The following TTC28 variants were observed in gnomAD, a reference collection of about 807,000 sequenced individuals.
TTC28 encodes tetratricopeptide repeat protein 28.
In TTC28, 61 loss-of-function variants were observed where a neutral mutation model predicts 198.0. The observed-to-expected ratio is 0.31, with a 90% confidence interval of 0.25 to 0.38. TTC28 has a LOEUF of 0.38. Ranked by LOEUF, TTC28 falls within the 10% of genes least tolerant of loss-of-function variation. The pLI is 1.00. For synonymous variants in TTC28, 1,171 were observed against 1,297.8 expected (o/e 0.90, Z 2.10); for missense variants, 2,678 against 3,164.0 (o/e 0.85, Z 3.69).
intron 12 of TTC28, among the ~76,000 whole-genome samples, chr22:28,074,794 C>T (rs1272463082): frequency 6.6e-6 from 1 of 152,206 alleles, no homozygotes; most frequent in Non-Finnish European, 1.5e-5. Flanking sequence ...ATTTCAAGAG[C>T]TCTGCTTTTA....
intron 13 of TTC28, among the ~76,000 whole-genome samples, chr22:28,023,209 A>C (rs1016953625): frequency 3.3e-5 from 5 of 152,176 alleles, no homozygotes; most frequent in Admixed American, 2.0e-4. Flanking sequence ...GAGGGTCTGC[A>C]CCTGCCCTCC....
intron 1 of TTC28, among the ~76,000 whole-genome samples, chr22:28,653,806 CT>C (rs530819467): frequency 1.3e-5 from 2 of 152,112 alleles, no homozygotes; most frequent in Non-Finnish European, 2.9e-5. Flanking sequence ...CCCTTTTCTC[CT>C]GTTAATGTTG....
chr22:27,984,147 A>G (rs16985818), intron 22 of TTC28, among the ~76,000 whole-genome samples: 2,606 of 152,108 alleles, frequency 0.017, 54 homozygotes, highest in East Asian at 0.078. Context: ...ATGACCCTGT[A>G]TCCGCCTTCC....
At chr22:28,166,323 C>A (rs143472253) in intron 5 of TTC28, among the ~76,000 whole-genome samples, 57 of 152,292 alleles carry the variant, frequency 3.7e-4, no homozygotes, top group African/African-American at 1.3e-3. Context: ...ACCAAGCGGA[C>A]CTAACAGACA....
chr22:28,061,832 C>G (rs140016921), intron 12 of TTC28, among the ~76,000 whole-genome samples: 1,566 of 152,208 alleles, frequency 0.01, 30 homozygotes, highest in African/African-American at 0.035. Context: ...TCACGATATT[C>G]ATTCTTCCTA....
At chr22:28,177,900 ATTCT>A (rs1231517450) in intron 5 of TTC28, among the ~76,000 whole-genome samples, 2 of 152,192 alleles carry the variant, frequency 1.3e-5, no homozygotes, top group African/African-American at 4.8e-5. Flanking sequence ...CAATGAAACT[ATTCT>A]GCATGATAAT....
chr22:28,134,000 T>C (rs1049658784), intron 6 of TTC28, among the ~76,000 whole-genome samples: 1 of 152,158 alleles, frequency 6.6e-6, no homozygotes, highest in Non-Finnish European at 1.5e-5. Context: ...CAGGTACCCC[T>C]CTGAGACGAA....
At chr22:28,671,366 T>G (rs1490973947) in intron 1 of TTC28, among the ~76,000 whole-genome samples, 1 of 152,090 alleles carries the variant, frequency 6.6e-6, no homozygotes, top group Non-Finnish European at 1.5e-5. Flanking sequence ...CCGGGCGCGG[T>G]GGCTCACGCC....
intron 5 of TTC28, among the ~76,000 whole-genome samples, chr22:28,266,704 A>T (rs912854623): frequency 6.6e-6 from 1 of 152,196 alleles, no homozygotes. Context: ...AGCTGACTAC[A>T]GACAAGTAAG....
chr22:28,166,186 T>C (rs539344686), intron 5 of TTC28, among the ~76,000 whole-genome samples: 1 of 152,268 alleles, frequency 6.6e-6, no homozygotes, highest in South Asian at 2.1e-4. Flanking sequence ...AAGCCCTTAG[T>C]GGCCTACAAA....
At chr22:28,663,553 C>T (rs2051788763) in intron 1 of TTC28, among the ~76,000 whole-genome samples, 2 of 129,038 alleles carry the variant, frequency 1.5e-5, no homozygotes, top group African/African-American at 3.0e-5. Context: ...CCTGGAAAAT[C>T]GGGTCACTCC....
At chr22:28,472,554 G>A (rs1260996578) in intron 2 of TTC28, among the ~76,000 whole-genome samples, 2 of 73,432 alleles carry the variant, frequency 2.7e-5, no homozygotes, top group Admixed American at 2.5e-4. Flanking sequence ...AAATGTGTAT[G>A]TGTGTGTGTG....
At chr22:28,427,682 T>G (rs1377407147) in intron 2 of TTC28, among the ~76,000 whole-genome samples, 5 of 152,152 alleles carry the variant, frequency 3.3e-5, no homozygotes, top group African/African-American at 9.7e-5. Flanking sequence ...TATTTCCATA[T>G]TGATTATGTG....
At chr22:28,016,218 C>T (rs1267596582) in intron 13 of TTC28, among the ~76,000 whole-genome samples, 2 of 152,188 alleles carry the variant, frequency 1.3e-5, no homozygotes, top group Admixed American at 1.3e-4. Flanking sequence ...GTGACGAGGG[C>T]TGCAGCATGT....
At position 28,465,624 on chromosome 22, in the gene TTC28, C is replaced by CA. The variant is rs572565847; in HGVS notation, c.382-158982dup. 3.2e-3 allele frequency among the ~76,000 whole-genome samples: 420 copies of CA among 132,580 alleles called. 1 individual carries two copies. The highest frequency in any genetic ancestry group is 6.9e-3 in the Admixed American group (92 of 13,328). The allele number at this position is 132,580 out of a possible 152,430, so 87.0% of individuals were successfully genotyped here. ...GGGCAACAAGAGCGAAACTCCGTCTCAAAAAAAAAAAATTATGCCTTATCC... is the reference window on the plus strand; with the variant it reads ...GGGCAACAAGAGCGAAACTCCGTCTCAAAAAAAAAAAAATTATGCCTTATCC... On this transcript the variant is annotated intron_variant, in intron 2 of 22. Coordinates refer to ENST00000397906, the MANE Select transcript of TTC28 (RefSeq NM_001145418.2).
At chr22:28,594,635 T>C (rs1043991171) in intron 2 of TTC28, among the ~76,000 whole-genome samples, 1 of 150,536 alleles carries the variant, frequency 6.6e-6, no homozygotes, top group Non-Finnish European at 1.5e-5. Context: ...AATAGTATAA[T>C]ATAGTATAAA....
In TTC28 at chr22:28,413,010, A is replaced by G. The variant is rs1247434179; in HGVS notation, c.382-106367T>C. The stretch of plus-strand genomic sequence containing the variant: ...TTCCGTAACTTTTTATTCATTATTT[A>G]GCATGTTTGTGAAAAATCATCTCAC... On this transcript the variant is annotated intron_variant, in intron 2 of 22. Coordinates refer to ENST00000397906, the MANE Select transcript of TTC28 (RefSeq NM_001145418.2). Among the ~76,000 whole-genome samples the G allele has an allele frequency of 2.0e-5, 3 of 152,192 alleles. No individual in the cohort carries two copies. In the East Asian group the frequency reaches 5.8e-4, roughly 29 times the overall value.
At chr22:28,612,343 A>G (rs1048729482) in intron 2 of TTC28, among the ~76,000 whole-genome samples, 3 of 152,226 alleles carry the variant, frequency 2.0e-5, no homozygotes, top group African/African-American at 7.2e-5. Flanking sequence ...TTAGAGACCT[A>G]CAAAGAGACT....
At chr22:28,475,149 C>CAAAAAAAAAAAAAAAAAAAAAAA (rs386395148) in intron 2 of TTC28, among the ~76,000 whole-genome samples, 8 of 64,996 alleles carry the variant, frequency 1.2e-4, no homozygotes, top group Non-Finnish European at 1.7e-4. Flanking sequence ...GACTCCATCT[C>CAAAAAAAAAAAAAAAAAAAAAAA]AAAAAAAAAA....
Sources: allele counts gnomAD v4.1 joint callset (sites outside exome capture counted in the v4.1 genomes callset), GRCh38; gene constraint gnomAD v4.1.1; transcripts MANE v1.5; gene names NCBI Gene and HGNC (gene_info 2026-07-23, HGNC 2026-07-21).